Variants in DPYSL4 observed in about 807,000 individuals in gnomAD.
The protein encoded by DPYSL4 is dihydropyrimidinase like 4.
Under a neutral mutation model 63.4 loss-of-function variants are expected in DPYSL4, and 43 were observed. That is an observed-to-expected ratio of 0.68 (90% CI 0.53 to 0.88). The LOEUF (loss-of-function observed/expected upper bound fraction) is 0.88. Among genes scored for constraint, DPYSL4 ranks in the 40% least tolerant of loss-of-function variants. DPYSL4 has a pLI of 0.00. For missense variants in DPYSL4, 733 were observed against 819.5 expected, an observed-to-expected ratio of 0.89 and a Z score of 1.29; for synonymous variants, 353 against 331.7, an observed-to-expected ratio of 1.06 and a Z score of -0.70.
intron 6 of DPYSL4, 139 bp from the exon 7 acceptor site, chr10:132,198,276 T>G: frequency 2.8e-6 from 2 of 720,532 alleles, no homozygotes; most frequent in Non-Finnish European, 4.6e-6. Flanking sequence ...CTATTCTGAG[T>G]GTTCTGTGGC....
chr10:132,203,283 C>T (rs924035685), intron 12 of DPYSL4, among the ~76,000 whole-genome samples: 3 of 151,942 alleles, frequency 2.0e-5, no homozygotes, highest in Non-Finnish European at 2.9e-5. Flanking sequence ...CACGGGAGCC[C>T]CCCCCCCATG....
chr10:132,201,874 C>T, intron 10 of DPYSL4, 72 bp from the exon 11 acceptor site: 1 of 1,499,988 alleles, frequency 6.7e-7, no homozygotes, highest in Non-Finnish European at 9.0e-7. Flanking sequence ...CCTGGTGGCC[C>T]AGTGTCTGTC....
chr10:132,189,269 G>C (rs753741321), intron 1 of DPYSL4, among the ~76,000 whole-genome samples: 2 of 152,228 alleles, frequency 1.3e-5, no homozygotes, highest in Non-Finnish European at 2.9e-5. Context: ...AAGCGTTGCC[G>C]AGTCCAGCCC....
chr10:132,190,604 C>T, intron 1 of DPYSL4, 143 bp from the exon 2 acceptor site: 1 of 700,198 alleles, frequency 1.4e-6, no homozygotes, highest in Non-Finnish European at 2.3e-6. Context: ...GAATAGTAAG[C>T]CGCTGCAGGC....
chr10:132,204,052 G>A (rs2062060514), intron 13 of DPYSL4, 125 bp downstream of exon 13: 1 of 1,265,414 alleles, frequency 7.9e-7, no homozygotes, highest in Non-Finnish European at 1.1e-6. Flanking sequence ...TGGGGACTGG[G>A]GCAGGAGATG....
intron 6 of DPYSL4, 33 bp downstream of exon 6, chr10:132,197,134 ACAGGGGCTGCCGTGGGG>A (rs763682239): frequency 6.0e-5 from 87 of 1,456,866 alleles, no homozygotes; most frequent in Middle Eastern, 2.5e-4. Context: ...TGGGGCAGGC[ACAGGGGCTGCCGTGGGG>A]CAGGGGCTGC....
rs1394908406 is a variant in DPYSL4 at position 132,192,707 on chromosome 10, G to A, written c.178G>A (p.Ala60Thr). The change falls in exon 3 of 14, where the codon GCC becomes ACC. Residue 60 changes from alanine (A) to threonine (T), a missense_variant. Coordinates refer to ENST00000338492, the MANE Select transcript of DPYSL4 (RefSeq NM_006426.3). ...IVPGGIKTID[A>T]HGLMVLPGGV... ...CCCTGGGGGCATCAAGACCATTGAC[G>A]CCCACGGCCTGATGGTCCTTCCTGG... The A allele has an allele frequency of 1.9e-6, 3 of 1,613,048 alleles. No homozygotes were observed. Among genetic ancestry groups the A allele is most frequent in the Non-Finnish European group, 2.5e-6 (3 of 1,179,836 alleles).
intron 13 of DPYSL4, 24 bp from the exon 14 acceptor site, chr10:132,204,815 T>C: frequency 6.3e-7 from 1 of 1,590,562 alleles, no homozygotes; most frequent in Middle Eastern, 1.7e-4. Flanking sequence ...CATTCTCCCC[T>C]GCCCATCTGT....
intron 1 of DPYSL4, 114 bp from the exon 2 acceptor site, chr10:132,190,633 G>T: frequency 1.0e-6 from 1 of 962,970 alleles, no homozygotes; most frequent in Non-Finnish European, 1.5e-6. Context: ...TCGTTTTTAC[G>T]TCTAGAAATT....
Position 132,202,652 on chromosome 10 carries a change from G to A in DPYSL4, c.1288G>A (p.Glu430Lys), listed in dbSNP as rs1353617919. 2 of 1,612,534 alleles carry A rather than the reference G, an allele frequency of 1.2e-6. No individual in the cohort carries two copies. Among genetic ancestry groups the A allele is most frequent in the Admixed American group, 1.7e-5 (1 of 60,016 alleles). ...ISAKTHNLNV[E>K]YNIFEGVECR... ...CTCGGGCCTCTCTCCCCAGAACGTG[G>A]AGTACAACATCTTCGAGGGAGTGGA... The change falls in exon 12 of 14, where the codon GAG becomes AAG. Residue 430 changes from glutamate to lysine, a missense_variant. By Grantham distance (56) the Glu-to-Lys change is moderately conservative. Transcript: ENST00000338492.
chr10:132,187,405 C>T (rs1474448401), intron 1 of DPYSL4, among the ~76,000 whole-genome samples: 2 of 151,516 alleles, frequency 1.3e-5, no homozygotes, highest in South Asian at 2.1e-4. Flanking sequence ...TGCCGGCTTC[C>T]GGGAGCCTCG....
rs755843621 is a variant in DPYSL4, at chr10:132,200,866, C to T, written c.993C>T (p.Ser331=). ...GCGGGGACCTCCAGGTGACAGGCAG[C>T]GCCCACTGCACCTTCACCACTGCCC... ...LSSGDLQVTG[S]AHCTFTTAQK... Residue 331 remains serine, a synonymous_variant, in exon 10 of 14, where the codon AGC becomes AGT. Coordinates refer to ENST00000338492, the MANE Select transcript of DPYSL4 (RefSeq NM_006426.3). 7.4e-6 allele frequency: 12 copies of T among 1,612,740 alleles called. No individual in the cohort carries two copies. Among genetic ancestry groups the T allele is most frequent in the African/African-American group, 4.0e-5 (3 of 74,922 alleles).
chr10:132,196,833 G>A, intron 4 of DPYSL4, 28 bp from the exon 5 acceptor site: 1 of 1,613,088 alleles, frequency 6.2e-7, no homozygotes. Context: ...GGTGATGGCT[G>A]AGCCTCTGAC....
At chr10:132,192,579 A>C in intron 2 of DPYSL4, 79 bp from the exon 3 acceptor site, 1 of 1,507,756 alleles carries the variant, frequency 6.6e-7, no homozygotes. Flanking sequence ...CAAACCCTTT[A>C]GCTCTGCTGC....
At position 132,195,064 on chromosome 10, in the gene DPYSL4, C is replaced by T; in HGVS notation, c.478+55C>T. The T allele has an allele frequency of 4.5e-6, 7 of 1,555,854 alleles. No homozygotes were observed. The South Asian group carries it at 8.2e-5, about 18-fold the overall frequency. On this transcript the variant is annotated intron_variant, in intron 4 of 13. Transcript: ENST00000338492. ...GGCATGGAGCCTGGTGGAGGAGCCT[C>T]TGCCCTGACCCTGTGTTCTGCCGAT... is the stretch of plus-strand genomic sequence containing the variant.
At chr10:132,203,682 C>T (rs998482585) in intron 12 of DPYSL4, 80 bp from the exon 13 acceptor site, 4 of 1,282,034 alleles carry the variant, frequency 3.1e-6, no homozygotes, top group Non-Finnish European at 4.2e-6. Context: ...CATGCTCAGC[C>T]CCTCATGCCC....
At chr10:132,204,071 G>C in intron 13 of DPYSL4, 144 bp downstream of exon 13, 1 of 1,114,184 alleles carries the variant, frequency 9.0e-7, no homozygotes. Context: ...TGCTGCTGGG[G>C]GTGTTGTGGG....
chr10:132,192,854 G>T lies in DPYSL4; in HGVS notation c.313+12G>T. 1 of 1,597,758 alleles carries T rather than the reference G, an allele frequency of 6.3e-7. No homozygotes were observed. Among genetic ancestry groups the T allele is most frequent in the Non-Finnish European group, 8.5e-7 (1 of 1,171,350 alleles). On this transcript the variant is annotated intron_variant, in intron 3 of 13. Transcript: ENST00000338492. ...AACCACCATGATCTGTGAGTGTCTG[G>T]GTCTCCTCCTCTACAGGGGGCAGCC...
intron 1 of DPYSL4, among the ~76,000 whole-genome samples, chr10:132,190,125 C>T (rs1241969734): frequency 6.6e-6 from 1 of 152,278 alleles, no homozygotes; most frequent in Non-Finnish European, 1.5e-5. Context: ...TGCCATGGCG[C>T]CCTCACTGTG....
Sources: allele counts gnomAD v4.1 joint callset (sites outside exome capture counted in the v4.1 genomes callset), GRCh38; gene constraint gnomAD v4.1.1; transcripts MANE v1.5; gene names NCBI Gene and HGNC (gene_info 2026-07-23, HGNC 2026-07-21).